Variants in NUMB observed in about 807,000 individuals in gnomAD.
NUMB encodes protein numb homolog.
NUMB carries 29 observed loss-of-function variants against 59.7 expected under a neutral mutation model. The ratio of observed to expected loss-of-function variants is 0.49; its 90% CI spans 0.36 to 0.66. The LOEUF (loss-of-function observed/expected upper bound fraction) is 0.66, where lower values mean the gene tolerates loss of function less well. Ranked by LOEUF, NUMB falls within the 30% of genes least tolerant of loss-of-function variation. The pLI is 0.00. For missense variants in NUMB, 723 were observed against 822.0 expected, an observed-to-expected ratio of 0.88 and a Z score of 1.47; for synonymous variants, 288 against 288.2, an observed-to-expected ratio of 1.00 and a Z score of 0.01.
At chr14:73,335,118 TC>T (rs1892233056) in intron 4 of NUMB, among the ~76,000 whole-genome samples, 2 of 151,864 alleles carry the variant, frequency 1.3e-5, no homozygotes, top group South Asian at 4.2e-4. Flanking sequence ...TTCAACTCAA[TC>T]CCTCAATGTT....
intron 7 of NUMB, among the ~76,000 whole-genome samples, chr14:73,296,852 G>GT (rs1889810239): frequency 6.6e-6 from 1 of 151,558 alleles, no homozygotes; most frequent in African/African-American, 2.4e-5. Context: ...GTGAAACCCC[G>GT]TATCTACTAA....
chr14:73,303,350 C>A (rs1157236217), intron 6 of NUMB, among the ~76,000 whole-genome samples: 1 of 151,690 alleles, frequency 6.6e-6, no homozygotes, highest in African/African-American at 2.4e-5. Flanking sequence ...GAGGCCAGGG[C>A]CAGTGGATCA....
chr14:73,376,708 C>T (rs79904965), intron 2 of NUMB, among the ~76,000 whole-genome samples: 7,831 of 152,142 alleles, frequency 0.051, 655 homozygotes, highest in African/African-American at 0.18. Flanking sequence ...CAGAAACAGA[C>T]CCACATAAAC....
At position 73,445,381 on chromosome 14, in the gene NUMB, A is replaced by AAAAAAAAAAC. The variant is rs1566800972; in HGVS notation, c.-233+13111_-233+13112insGTTTTTTTTT. ...AAAAAAAAAAAAAAAAAAAAAAAAAAAAAAAAAAAAAAAAACTTACAGCTG... is the reference window on the plus strand; with the variant it reads ...AAAAAAAAAAAAAAAAAAAAAAAAAAAAAAAAAAACAAAAAAAAAAAAAAACTTACAGCTG... On this transcript the variant is annotated intron_variant, in intron 1 of 12. Coordinates refer to ENST00000555238, the MANE Select transcript of NUMB (RefSeq NM_001005743.2). 1.3e-4 allele frequency among the ~76,000 whole-genome samples: 17 copies of AAAAAAAAAAC among 129,846 alleles called. 1 individual carries two copies. Among genetic ancestry groups the AAAAAAAAAAC allele is most frequent in the Non-Finnish European group, 2.6e-4 (16 of 60,474 alleles). The allele number at this position is 129,846 out of a possible 152,430, so 85.2% of individuals were successfully genotyped here.
At chr14:73,377,255 T>C (rs1894995212) in intron 2 of NUMB, among the ~76,000 whole-genome samples, 1 of 152,180 alleles carries the variant, frequency 6.6e-6, no homozygotes, top group Non-Finnish European at 1.5e-5. Context: ...AAATTTAAAA[T>C]TTCTTCTCTA....
chr14:73,333,098 C>T (rs1892080587), intron 4 of NUMB, among the ~76,000 whole-genome samples: 1 of 152,148 alleles, frequency 6.6e-6, no homozygotes, highest in African/African-American at 2.4e-5. Flanking sequence ...GGGTATATAA[C>T]TAGCAGTGAA....
At chr14:73,294,195 C>A (rs918739350) in intron 7 of NUMB, among the ~76,000 whole-genome samples, 1 of 152,112 alleles carries the variant, frequency 6.6e-6, no homozygotes, top group Admixed American at 6.6e-5. Context: ...TTGAACAGCA[C>A]CTCAGACATC....
chr14:73,414,724 G>A (rs907013102), intron 1 of NUMB, among the ~76,000 whole-genome samples: 8 of 152,014 alleles, frequency 5.3e-5, no homozygotes, highest in Non-Finnish European at 8.8e-5. Flanking sequence ...GCGGGTGCGG[G>A]GGGGGCGGGT....
intron 11 of NUMB, among the ~76,000 whole-genome samples, chr14:73,280,928 TG>T (rs1365277094): frequency 6.6e-6 from 1 of 151,956 alleles, no homozygotes; most frequent in Non-Finnish European, 1.5e-5. Flanking sequence ...TCCTGACCTC[TG>T]GTGATCCGCC....
At chr14:73,341,461 CTG>C (rs1324851071) in intron 4 of NUMB, among the ~76,000 whole-genome samples, 3 of 152,094 alleles carry the variant, frequency 2.0e-5, no homozygotes, top group African/African-American at 2.4e-5. Context: ...GTCAGTAAAA[CTG>C]TATTATTTTT....
chr14:73,389,291 AAACAAAAAC>A (rs1277156567), intron 2 of NUMB, among the ~76,000 whole-genome samples: 18 of 98,076 alleles, frequency 1.8e-4, no homozygotes, highest in African/African-American at 7.4e-4. Flanking sequence ...AAAAAAAAAA[AAACAAAAAC>A]AAAAACACTG....
At chr14:73,366,394 C>T (rs1407474891) in intron 3 of NUMB, among the ~76,000 whole-genome samples, 1 of 152,164 alleles carries the variant, frequency 6.6e-6, no homozygotes, top group African/African-American at 2.4e-5. Flanking sequence ...TTTCCTAATA[C>T]AGAATTAGAT....
At chr14:73,312,076 TAAA>T (rs1314693659) in intron 6 of NUMB, among the ~76,000 whole-genome samples, 1 of 151,682 alleles carries the variant, frequency 6.6e-6, no homozygotes, top group Admixed American at 6.6e-5. Flanking sequence ...CACCATGACA[TAAA>T]AAAAAATTTT....
At chr14:73,355,571 C>T (rs1566758407) in intron 4 of NUMB, 55 bp downstream of exon 4, 4 of 1,523,904 alleles carry the variant, frequency 2.6e-6, no homozygotes, top group African/African-American at 1.4e-5. Context: ...ATTTCACATA[C>T]ACTAGATTGT....
chr14:73,278,000 G>A (rs1888299634), intron 12 of NUMB, among the ~76,000 whole-genome samples: 1 of 125,830 alleles, frequency 7.9e-6, no homozygotes, highest in Non-Finnish European at 1.6e-5. Context: ...AGAGGGTGCA[G>A]TGAACCAAGA....
At chr14:73,372,302 C>CTT (rs1189846308) in intron 2 of NUMB, among the ~76,000 whole-genome samples, 20 of 30,490 alleles carry the variant, frequency 6.6e-4, no homozygotes, top group African/African-American at 3.2e-3. Flanking sequence ...ATATATATTT[C>CTT]TTTTATATAT....
chr14:73,440,395 A>T (rs1313103193), intron 1 of NUMB, among the ~76,000 whole-genome samples: 1 of 152,098 alleles, frequency 6.6e-6, no homozygotes, highest in African/African-American at 2.4e-5. Flanking sequence ...TAAATGTAAG[A>T]GCCAACTCTA....
At chr14:73,277,326 A>T in intron 12 of NUMB, 33 bp from the exon 13 acceptor site, 1 of 1,480,266 alleles carries the variant, frequency 6.8e-7, no homozygotes, top group Non-Finnish European at 9.2e-7. Flanking sequence ...CAAAAGAATC[A>T]GTTAGGGGCA....
intron 2 of NUMB, among the ~76,000 whole-genome samples, chr14:73,389,835 C>G (rs1393817533): frequency 6.6e-6 from 1 of 152,080 alleles, no homozygotes; most frequent in African/African-American, 2.4e-5. Context: ...CTTCAATGTA[C>G]TACCTTAAAT....
Sources: gnomAD v4.1 joint callset for allele counts (sites outside exome capture counted in the v4.1 genomes callset) on GRCh38, gnomAD v4.1.1 for gene constraint, MANE v1.5 for transcripts, NCBI Gene and HGNC (gene_info 2026-07-23, HGNC 2026-07-21) for gene names.